The following CDH20 variants were observed in gnomAD, a reference collection of about 807,000 sequenced individuals.
CDH20 encodes the protein cadherin-20.
In CDH20, 29 loss-of-function variants were observed where a neutral mutation model predicts 74.2. The observed-to-expected ratio is 0.39, with a 90% CI of 0.29 to 0.53. CDH20 has a LOEUF of 0.53. Ranked by LOEUF, CDH20 falls within the 20% of genes least tolerant of loss-of-function variation. The probability of loss-of-function intolerance (pLI) is 0.69; values close to 1 mark genes in which losing one functional copy is unlikely to be tolerated. For missense variants in CDH20, 988 were observed against 1,048.3 expected (o/e 0.94, Z 0.79); for synonymous variants, 469 against 405.4 (o/e 1.16, Z -1.88).
chr18:61,536,882 G>C (rs1912834800), intron 8 of CDH20, among the ~76,000 whole-genome samples: 1 of 152,152 alleles, frequency 6.6e-6, no homozygotes, highest in African/African-American at 2.4e-5. Context: ...TTATCCCAAG[G>C]AGCTATGAGG....
intron 1 of CDH20, among the ~76,000 whole-genome samples, chr18:61,343,273 G>T (rs1198927938): frequency 6.6e-6 from 1 of 152,116 alleles, no homozygotes; most frequent in Non-Finnish European, 1.5e-5. Flanking sequence ...TTAATTTGTG[G>T]CATGGACATG....
At chr18:61,485,551 G>A (rs1371901739) in intron 1 of CDH20, among the ~76,000 whole-genome samples, 2 of 152,146 alleles carry the variant, frequency 1.3e-5, no homozygotes, top group Non-Finnish European at 2.9e-5. Context: ...TGTCCCAGAA[G>A]AAACTGGGAT....
chr18:61,343,964 A>G (rs1173193714), intron 1 of CDH20, among the ~76,000 whole-genome samples: 1 of 152,094 alleles, frequency 6.6e-6, no homozygotes, highest in African/African-American at 2.4e-5. Context: ...GAACGTGCAG[A>G]TGACTGGCCT....
chr18:61,435,080 T>C (rs1287474203), intron 1 of CDH20, among the ~76,000 whole-genome samples: 1 of 152,136 alleles, frequency 6.6e-6, no homozygotes. Flanking sequence ...TCACTAAATC[T>C]TCACAATTCC....
At chr18:61,340,745 T>C (rs550910406) in intron 1 of CDH20, among the ~76,000 whole-genome samples, 73 of 152,310 alleles carry the variant, frequency 4.8e-4, no homozygotes, top group African/African-American at 1.8e-3. Flanking sequence ...AGGGATTAAA[T>C]TGTACATATT....
chr18:61,394,219 A>G (rs1476712132), intron 1 of CDH20, among the ~76,000 whole-genome samples: 3 of 152,192 alleles, frequency 2.0e-5, no homozygotes, highest in African/African-American at 2.4e-5. Flanking sequence ...GCGAGTGGCC[A>G]GGAGTGAGCA....
chr18:61,381,457 C>A (rs1243344760), intron 1 of CDH20, among the ~76,000 whole-genome samples: 1 of 152,086 alleles, frequency 6.6e-6, no homozygotes, highest in Non-Finnish European at 1.5e-5. Flanking sequence ...TACAAAATTC[C>A]AAAGTTATGC....
chr18:61,536,391 G>A, intron 7 of CDH20, 102 bp from the exon 8 acceptor site: 1 of 906,236 alleles, frequency 1.1e-6, no homozygotes, highest in Non-Finnish European at 1.7e-6. Flanking sequence ...CTCAGAAGTG[G>A]TGGAACCATG....
chr18:61,554,112 G>A (rs1045269306), intron 11 of CDH20, 78 bp from the exon 12 acceptor site: 49 of 1,526,790 alleles, frequency 3.2e-5, no homozygotes, highest in Non-Finnish European at 3.8e-5. Flanking sequence ...TATCCGTGGT[G>A]AATCAAGACT....
chr18:61,408,280 T>C (rs1005116370), intron 1 of CDH20, among the ~76,000 whole-genome samples: 3 of 152,122 alleles, frequency 2.0e-5, no homozygotes, highest in Admixed American at 2.0e-4. Flanking sequence ...AAGATTCATT[T>C]TGGGTTCAGA....
At position 61,350,856 on chromosome 18, in the gene CDH20, T is replaced by C. The variant is rs191171057; in HGVS notation, c.-153+17029T>C. On this transcript the variant is annotated intron_variant, in intron 1 of 11. Transcript: ENST00000262717. The stretch of plus-strand genomic sequence containing the variant: ...AAAGACAGAAAGTGCAGAGGATCTT[T>C]CAGTGTTTCACAGTTAGTAATAAAG... Among the ~76,000 whole-genome samples the C allele has an allele frequency of 2.0e-4, 31 of 152,146 alleles. 1 individual carries two copies. The highest frequency in any genetic ancestry group is 8.3e-4 in the South Asian group (4 of 4,822).
At position 61,341,422 on chromosome 18, in the gene CDH20, G is replaced by GC. The variant is rs34235466; in HGVS notation, c.-153+7605dup. On this transcript the variant is annotated intron_variant, in intron 1 of 11. Transcript: ENST00000262717. ...CCTGATTACACAATGACTGCCTTGA[G>GC]CCCCCCCCCCGCCTAATGCCGTTCC... Among the ~76,000 whole-genome samples the GC allele has an allele frequency of 4.0e-4, 60 of 151,208 alleles. 1 individual carries two copies. Among genetic ancestry groups the GC allele is most frequent in the African/African-American group, 1.4e-3 (56 of 40,990 alleles).
At chr18:61,510,718 G>A (rs996431166) in intron 6 of CDH20, among the ~76,000 whole-genome samples, 2 of 152,110 alleles carry the variant, frequency 1.3e-5, no homozygotes, top group Non-Finnish European at 2.9e-5. Flanking sequence ...GGCTGAGATT[G>A]ACTTCTAAAT....
intron 1 of CDH20, among the ~76,000 whole-genome samples, chr18:61,336,792 G>A (rs1267145297): frequency 2.2e-5 from 3 of 136,648 alleles, no homozygotes; most frequent in South Asian, 2.7e-4. Flanking sequence ...CTGCAGTGGC[G>A]AGAACATAAA....
At chr18:61,380,646 C>G (rs1008941488) in intron 1 of CDH20, among the ~76,000 whole-genome samples, 16 of 152,136 alleles carry the variant, frequency 1.1e-4, no homozygotes, top group Admixed American at 6.6e-4. Context: ...CCCGTCTCTA[C>G]TAAAACTACA....
At chr18:61,541,767 G>A (rs1599158401) in intron 9 of CDH20, among the ~76,000 whole-genome samples, 1 of 152,298 alleles carries the variant, frequency 6.6e-6, no homozygotes, top group Admixed American at 6.5e-5. Context: ...CATCTGACAA[G>A]TCCAGACACA....
chr18:61,483,055 T>G (rs1448430110), intron 1 of CDH20, among the ~76,000 whole-genome samples: 1 of 152,200 alleles, frequency 6.6e-6, no homozygotes, highest in Non-Finnish European at 1.5e-5. Context: ...GGGAATGCCC[T>G]TTTATTTTTC....
chr18:61,390,814 ATAAG>A (rs1279712370), intron 1 of CDH20, among the ~76,000 whole-genome samples: 1 of 152,226 alleles, frequency 6.6e-6, no homozygotes, highest in African/African-American at 2.4e-5. Flanking sequence ...TGCTAAATAA[ATAAG>A]TATCCCTCCC....
At chr18:61,550,595 C>T (rs1913399784) in intron 11 of CDH20, among the ~76,000 whole-genome samples, 2 of 152,208 alleles carry the variant, frequency 1.3e-5, no homozygotes, top group African/African-American at 4.8e-5. Flanking sequence ...TTGATGATCA[C>T]CTCTTCTAAC....
Sources: allele counts gnomAD v4.1 joint callset (sites outside exome capture counted in the v4.1 genomes callset), GRCh38; gene constraint gnomAD v4.1.1; transcripts MANE v1.5; gene names NCBI Gene and HGNC (gene_info 2026-07-23, HGNC 2026-07-21).